ST6GALNAC5: variants seen among roughly 807,000 people sequenced by gnomAD.
ST6GALNAC5 encodes the protein ST6 N-acetylgalactosaminide alpha-2,6-sialyltransferase 5.
A neutral mutation model predicts 33.6 loss-of-function variants in ST6GALNAC5; 27 were observed. That is an observed-to-expected ratio of 0.80 (90% CI 0.59 to 1.11). ST6GALNAC5 has a LOEUF of 1.11. Ranked by LOEUF, ST6GALNAC5 falls within the 50% of genes least tolerant of loss-of-function variation. The pLI, the probability that ST6GALNAC5 is intolerant of heterozygous loss-of-function variation, is 0.00. For synonymous variants in ST6GALNAC5, 194 were observed against 171.2 expected (o/e 1.13, Z -1.04); for missense variants, 428 against 454.0 (o/e 0.94, Z 0.52).
chr1:76,978,740 C>A (rs1037920449), intron 2 of ST6GALNAC5, among the ~76,000 whole-genome samples: 6 of 152,090 alleles, frequency 3.9e-5, no homozygotes, highest in Non-Finnish European at 7.4e-5. Context: ...CCACTTTTAC[C>A]ACTTACATTA....
At chr1:76,966,953 G>A (rs1449168388) in intron 2 of ST6GALNAC5, among the ~76,000 whole-genome samples, 2 of 152,214 alleles carry the variant, frequency 1.3e-5, no homozygotes, top group Middle Eastern at 3.2e-3. Flanking sequence ...AAGCTGACTT[G>A]ATCGTGGTGC....
chr1:77,009,960 A>T (rs937740098), intron 2 of ST6GALNAC5, among the ~76,000 whole-genome samples: 8 of 152,232 alleles, frequency 5.3e-5, no homozygotes, highest in Non-Finnish European at 1.0e-4. Flanking sequence ...TAGTGGCAAT[A>T]ACCACATTAA....
chr1:77,007,645 A>T (rs1650474692), intron 2 of ST6GALNAC5, among the ~76,000 whole-genome samples: 1 of 152,238 alleles, frequency 6.6e-6, no homozygotes. Flanking sequence ...GTAGAGAAAA[A>T]TATTTTGGTT....
intron 4 of ST6GALNAC5, among the ~76,000 whole-genome samples, chr1:77,053,792 G>A (rs986660569): frequency 6.6e-6 from 1 of 152,228 alleles, no homozygotes; most frequent in Non-Finnish European, 1.5e-5. Flanking sequence ...CTGATCTGCA[G>A]TTGTGGATGC....
chr1:76,950,385 C>T (rs1647695676), intron 2 of ST6GALNAC5, among the ~76,000 whole-genome samples: 1 of 151,892 alleles, frequency 6.6e-6, no homozygotes, highest in South Asian at 2.1e-4. Context: ...ATTCTTTAGT[C>T]CCAACTTATA....
intron 2 of ST6GALNAC5, among the ~76,000 whole-genome samples, chr1:76,964,942 CT>C (rs1302097897): frequency 6.6e-6 from 1 of 151,816 alleles, no homozygotes; most frequent in African/African-American, 2.4e-5. Context: ...TGAACTCATC[CT>C]TTTTTATGGC....
chr1:77,067,159 G>GC lies in ST6GALNAC5; in HGVS notation c.*3953_*3954insC, dbSNP rs970445064. On this transcript the variant is annotated 3_prime_UTR_variant, in exon 5 of 5. Coordinates refer to ENST00000477717, the MANE Select transcript of ST6GALNAC5 (RefSeq NM_030965.3). ...AAAGAGAACTATAATAATAAGCCCT[G>GC]GGGGGCAGGATGTGTGAACCAATTG... Among the ~76,000 whole-genome samples the GC allele has an allele frequency of 3.4e-5, 2 of 59,098 alleles. No individual in the cohort carries two copies. Among genetic ancestry groups the GC allele is most frequent in the African/African-American group, 2.2e-4 (2 of 9,020 alleles). 38.8% of individuals were successfully genotyped at this position (59,098 alleles called of 152,430 possible).
chr1:76,959,181 A>C (rs916074123), intron 2 of ST6GALNAC5, among the ~76,000 whole-genome samples: 1 of 152,184 alleles, frequency 6.6e-6, no homozygotes, highest in Non-Finnish European at 1.5e-5. Context: ...TTTATTTGCT[A>C]TCCTTGTTCA....
At chr1:76,989,322 A>G (rs1649630841) in intron 2 of ST6GALNAC5, among the ~76,000 whole-genome samples, 1 of 151,592 alleles carries the variant, frequency 6.6e-6, no homozygotes, top group Non-Finnish European at 1.5e-5. Flanking sequence ...TTAGTTGTGC[A>G]AGCTCATATC....
chr1:76,899,487 G>A lies in ST6GALNAC5; in HGVS notation c.261+30745G>A, dbSNP rs368234485. On this transcript the variant is annotated intron_variant, in intron 2 of 4. Coordinates refer to ENST00000477717, the MANE Select transcript of ST6GALNAC5 (RefSeq NM_030965.3). ...GATGGGGGCACAGAGACAAGAGGTT[G>A]GGGTTCCTGCCCCTCCCCCAGAAAA... Among the ~76,000 whole-genome samples the A allele has an allele frequency of 1.8e-4, 27 of 152,252 alleles. No individual in the cohort carries two copies. The East Asian group carries it at 5.0e-3, about 28-fold the overall frequency.
At chr1:76,906,125 A>C (rs1333194929) in intron 2 of ST6GALNAC5, among the ~76,000 whole-genome samples, 8 of 152,182 alleles carry the variant, frequency 5.3e-5, no homozygotes, top group Admixed American at 5.2e-4. Context: ...AATGGTATTT[A>C]AGCTGTTATC....
intron 2 of ST6GALNAC5, among the ~76,000 whole-genome samples, chr1:76,979,758 C>G (rs533260478): frequency 6.6e-6 from 1 of 152,174 alleles, no homozygotes; most frequent in Non-Finnish European, 1.5e-5. Flanking sequence ...AAAACCCCGT[C>G]TCTACTGAAA....
At chr1:77,034,662 G>A (rs908306269) in intron 2 of ST6GALNAC5, among the ~76,000 whole-genome samples, 2 of 152,194 alleles carry the variant, frequency 1.3e-5, no homozygotes, top group African/African-American at 4.8e-5. Flanking sequence ...TTGAAATGCT[G>A]TATAGCGATT....
chr1:76,897,810 C>A (rs529219401), intron 2 of ST6GALNAC5, among the ~76,000 whole-genome samples: 2 of 152,226 alleles, frequency 1.3e-5, no homozygotes, highest in East Asian at 3.9e-4. Context: ...TCTAAGTTGG[C>A]ACCAGAGTTG....
At chr1:76,962,621 C>T (rs550507769) in intron 2 of ST6GALNAC5, among the ~76,000 whole-genome samples, 1 of 152,304 alleles carries the variant, frequency 6.6e-6, no homozygotes, top group South Asian at 2.1e-4. Context: ...AGAAGAAACA[C>T]TTGAATCTGT....
chr1:76,947,047 G>A (rs1365470561), intron 2 of ST6GALNAC5, among the ~76,000 whole-genome samples: 1 of 152,046 alleles, frequency 6.6e-6, no homozygotes, highest in Non-Finnish European at 1.5e-5. Flanking sequence ...ACAATTCAAA[G>A]TCATAACAAT....
chr1:76,913,437 C>T (rs1646934784), intron 2 of ST6GALNAC5, among the ~76,000 whole-genome samples: 1 of 151,864 alleles, frequency 6.6e-6, no homozygotes, highest in Non-Finnish European at 1.5e-5. Flanking sequence ...GTGGCGTTCT[C>T]TGTATTTCCT....
At chr1:76,919,736 A>AAAAC (rs201393696) in intron 2 of ST6GALNAC5, among the ~76,000 whole-genome samples, 1 of 152,174 alleles carries the variant, frequency 6.6e-6, no homozygotes, top group South Asian at 2.1e-4. Flanking sequence ...AGTTACTTGA[A>AAAAC]AAACAAACAA....
chr1:76,973,602 G>T (rs1341721085), intron 2 of ST6GALNAC5, among the ~76,000 whole-genome samples: 1 of 151,988 alleles, frequency 6.6e-6, no homozygotes, highest in East Asian at 1.9e-4. Context: ...CAGTCAAATT[G>T]ACACATAAAA....
Sources: allele counts gnomAD v4.1 joint callset (sites outside exome capture counted in the v4.1 genomes callset), GRCh38; gene constraint gnomAD v4.1.1; transcripts MANE v1.5; gene names NCBI Gene and HGNC (gene_info 2026-07-23, HGNC 2026-07-21).